Variants in TEX29 observed in about 807,000 individuals in gnomAD.
TEX29 encodes testis expressed 29.
TEX29 carries 26 observed loss-of-function variants against 18.2 expected under a neutral mutation model. The ratio of observed to expected loss-of-function variants is 1.43; its 90% CI spans 1.04 to 1.98. TEX29 has a LOEUF of 1.98. Ranked by LOEUF, TEX29 falls within the 30% of genes most tolerant of loss-of-function variation. The pLI is 0.00. For synonymous variants in TEX29, 83 were observed against 78.5 expected (o/e 1.06, Z -0.31); for missense variants, 177 against 194.2 (o/e 0.91, Z 0.53).
chr13:111,340,217 AAAT>A (rs1329285423), intron 4 of TEX29, among the ~76,000 whole-genome samples: 111 of 132,596 alleles, frequency 8.4e-4, no homozygotes, highest in Non-Finnish European at 1.2e-3. Context: ...TTGTTGATGA[AAAT>A]CATAACCCAT....
At chr13:111,334,954 G>A (rs2093687562) in intron 3 of TEX29, among the ~76,000 whole-genome samples, 1 of 152,160 alleles carries the variant, frequency 6.6e-6, no homozygotes, top group African/African-American at 2.4e-5. Context: ...GGAGCTGGAG[G>A]GTGGGCAGGA....
In TEX29 at chr13:111,342,834, G is replaced by A. The variant is rs1188473934; in HGVS notation, c.318G>A (p.Glu106=). The change falls in exon 5 of 6, where the codon GAG becomes GAA. Residue 106 remains glutamate, a synonymous_variant. Transcript: ENST00000283547. The part of the protein sequence containing the change: ...ALPQKSSEKA[E]LASSSSKLGL... Reference sequence around the variant, plus strand: ...CACAGAAGTCCAGCGAAAAGGCGGAGTTGGCCTCATCCAGCAGCAAGTTAG... The same window carrying A: ...CACAGAAGTCCAGCGAAAAGGCGGAATTGGCCTCATCCAGCAGCAAGTTAG... The A allele has an allele frequency of 3.7e-6, 6 of 1,614,164 alleles. No homozygotes were observed. The highest frequency in any genetic ancestry group is 5.1e-6 in the Non-Finnish European group (6 of 1,180,040).
chr13:111,335,117 GTT>G (rs958315099), intron 3 of TEX29, among the ~76,000 whole-genome samples: 6 of 152,288 alleles, frequency 3.9e-5, no homozygotes, highest in African/African-American at 1.4e-4. Context: ...TGTTCTCATT[GTT>G]TTTATGGAGG....
At chr13:111,335,153 G>A (rs915266668) in intron 3 of TEX29, among the ~76,000 whole-genome samples, 5 of 152,282 alleles carry the variant, frequency 3.3e-5, no homozygotes, top group South Asian at 2.1e-4. Flanking sequence ...GGGGGTTCTC[G>A]CTCTGCTGTT....
At chr13:111,335,380 C>T (rs1036598923) in intron 3 of TEX29, among the ~76,000 whole-genome samples, 1 of 152,206 alleles carries the variant, frequency 6.6e-6, no homozygotes, top group African/African-American at 2.4e-5. Context: ...CAGTGTTGAA[C>T]GGCCTCTCAT....
intron 3 of TEX29, chr13:111,339,400 C>T: frequency 2.2e-6 from 1 of 455,116 alleles, no homozygotes; most frequent in Non-Finnish European, 4.4e-6. Flanking sequence ...CCCCAGGGGT[C>T]AGGAGCCAGC....
At chr13:111,342,639 G>T in intron 4 of TEX29, 117 bp from the exon 5 acceptor site, 1 of 826,204 alleles carries the variant, frequency 1.2e-6, no homozygotes, top group Non-Finnish European at 1.8e-6. Context: ...TAAAAAATAA[G>T]TATGCATGAT....
At chr13:111,318,725 GTC>G (rs1448292275), upstream of TEX29, among the ~76,000 whole-genome samples, 2 of 152,216 alleles carry the variant, frequency 1.3e-5, no homozygotes, top group Non-Finnish European at 2.9e-5. Context: ...GAGAAGCAGT[GTC>G]TCTGCCTGGG....
intron 3 of TEX29, among the ~76,000 whole-genome samples, chr13:111,329,517 G>A (rs894307922): frequency 1.3e-5 from 2 of 151,234 alleles, no homozygotes; most frequent in Non-Finnish European, 2.9e-5. Context: ...TTAGAAAGTC[G>A]GGAAACGTTA....
chr13:111,343,873 T>G (rs1300704363), intron 5 of TEX29, among the ~76,000 whole-genome samples: 1 of 152,086 alleles, frequency 6.6e-6, no homozygotes, highest in Non-Finnish European at 1.5e-5. Context: ...GCCTCCTGTG[T>G]AGAGAGATGA....
In TEX29 at chr13:111,330,764, A is replaced by G. The variant is rs567037430; in HGVS notation, c.169+2471A>G. Among the ~76,000 whole-genome samples the G allele has an allele frequency of 3.2e-3, 482 of 152,246 alleles. 3 individuals carry two copies. The highest frequency in any genetic ancestry group is 0.011 in the African/African-American group (465 of 41,544). ...TCTCTCTGGCCCCTGGCAGCCACTC[A>G]TCTGTCTATGGACTTCCGTATTATG... On this transcript the variant is annotated intron_variant, in intron 3 of 5. Coordinates refer to ENST00000283547, the MANE Select transcript of TEX29 (RefSeq NM_152324.3).
intron 2 of TEX29, among the ~76,000 whole-genome samples, chr13:111,325,788 T>C (rs2093671901): frequency 6.6e-6 from 1 of 152,140 alleles, no homozygotes; most frequent in South Asian, 2.1e-4. Flanking sequence ...GACTGAACTT[T>C]TAAAATGAGA....
At chr13:111,316,253 G>T, upstream of TEX29, 1 of 502,906 alleles carries the variant, frequency 2.0e-6, no homozygotes, top group East Asian at 5.6e-5. Context: ...AACAGTGCAG[G>T]CTCAGTAAGT....
Position 111,332,825 on chromosome 13 carries a change from A to G in TEX29, c.169+4532A>G, listed in dbSNP as rs192792171. On this transcript the variant is annotated intron_variant, in intron 3 of 5. Coordinates refer to ENST00000283547, the MANE Select transcript of TEX29 (RefSeq NM_152324.3). ...TTTTTCTGCATCTATTGAGCACCTT[A>G]ATGGTGCTCTTTATTACTTCATGTG... Among the ~76,000 whole-genome samples the G allele has an allele frequency of 6.6e-5, 10 of 152,182 alleles. No individual in the cohort carries two copies. In the East Asian group the frequency reaches 1.7e-3, roughly 26 times the overall value.
upstream of TEX29, among the ~76,000 whole-genome samples, chr13:111,317,292 G>A (rs963912031): frequency 6.6e-6 from 1 of 152,136 alleles, no homozygotes; most frequent in Non-Finnish European, 1.5e-5. Context: ...GGGTCTGCCT[G>A]TGAAGTTGGT....
intron 3 of TEX29, among the ~76,000 whole-genome samples, chr13:111,337,139 T>C (rs1223680956): frequency 6.6e-6 from 1 of 152,240 alleles, no homozygotes; most frequent in Non-Finnish European, 1.5e-5. Flanking sequence ...TTCTGTTTGT[T>C]GAACAGCATT....
At chr13:111,329,360 C>G (rs2243928) in intron 3 of TEX29, among the ~76,000 whole-genome samples, 98,686 of 151,690 alleles carry the variant, frequency 0.65, 33,242 homozygotes, top group Middle Eastern at 0.79. Flanking sequence ...TCCACCCCCA[C>G]CACCCCAAAG....
intron 1 of TEX29, 47 bp downstream of exon 1, chr13:111,320,809 A>G (rs762570116): frequency 1.0e-5 from 16 of 1,586,442 alleles, no homozygotes; most frequent in Middle Eastern, 1.7e-4. Context: ...CCGCTCCCCA[A>G]ACGACGTCCC....
rs1555411723 is a variant in TEX29, at chr13:111,326,648, C to CGGGCAGTAT, written c.59-1534_59-1533insGGCAGTATG. Among the ~76,000 whole-genome samples, 249 of 95,164 alleles carry CGGGCAGTAT rather than the reference C, an allele frequency of 2.6e-3. 22 individuals carry two copies. Among genetic ancestry groups the CGGGCAGTAT allele is most frequent in the African/African-American group, 0.01 (234 of 22,962 alleles). The allele number at this position is 95,164 out of a possible 152,430, so 62.4% of individuals were successfully genotyped here. On this transcript the variant is annotated intron_variant, in intron 2 of 5. Transcript: ENST00000283547. ...GGGGTGGAGGAGACCACGGGCAGTG[C>CGGGCAGTAT]GAGCCTGTCTGGTGGGGTGGAGACT...
Sources: gnomAD v4.1 joint callset for allele counts (sites outside exome capture counted in the v4.1 genomes callset) on GRCh38, gnomAD v4.1.1 for gene constraint, MANE v1.5 for transcripts, NCBI Gene and HGNC (gene_info 2026-07-23, HGNC 2026-07-21) for gene names.